The following NFIA variants were observed in gnomAD, a reference collection of about 807,000 sequenced individuals.
NFIA encodes the protein nuclear factor I A.
A neutral mutation model predicts 62.8 loss-of-function variants in NFIA; 8 were observed. The ratio of observed to expected loss-of-function variants is 0.13; its 90% CI spans 0.07 to 0.23. NFIA has a LOEUF of 0.23. Among genes scored for constraint, NFIA ranks in the 10% least tolerant of loss-of-function variants. NFIA has a pLI of 1.00. For missense variants in NFIA, 410 were observed against 642.1 expected (o/e 0.64, Z 3.91); for synonymous variants, 235 against 238.1 (o/e 0.99, Z 0.12).
chr1:61,217,314 C>T (rs1209917483), intron 2 of NFIA, among the ~76,000 whole-genome samples: 2 of 151,880 alleles, frequency 1.3e-5, no homozygotes, highest in African/African-American at 4.8e-5. Flanking sequence ...GTGATCCACC[C>T]ACCTTGGCCT....
intron 2 of NFIA, among the ~76,000 whole-genome samples, chr1:61,140,131 G>A (rs1387192500): frequency 6.6e-6 from 1 of 152,118 alleles, no homozygotes; most frequent in Non-Finnish European, 1.5e-5. Context: ...CAGGCAGTAG[G>A]GCTGCAAGGC....
chr1:61,306,294 T>TTTTTTTTA (rs748026405), intron 3 of NFIA, among the ~76,000 whole-genome samples: 44 of 109,730 alleles, frequency 4.0e-4, no homozygotes, highest in African/African-American at 1.0e-3. Context: ...TTTTTTTTTT[T>TTTTTTTTA]AAGACAGAGT....
At chr1:61,155,856 G>T (rs537243408) in intron 2 of NFIA, among the ~76,000 whole-genome samples, 18 of 152,134 alleles carry the variant, frequency 1.2e-4, no homozygotes, top group Non-Finnish European at 2.2e-4. Flanking sequence ...AAAAACCTTG[G>T]CTGGGCGCGG....
intron 2 of NFIA, among the ~76,000 whole-genome samples, chr1:61,201,934 G>A (rs911299906): frequency 1.3e-5 from 2 of 151,440 alleles, no homozygotes; most frequent in African/African-American, 4.9e-5. Context: ...AACAACTATC[G>A]TGTAAGAAAA....
intron 2 of NFIA, among the ~76,000 whole-genome samples, chr1:61,192,422 C>T (rs993113727): frequency 1.3e-5 from 2 of 152,132 alleles, no homozygotes; most frequent in African/African-American, 4.8e-5. Flanking sequence ...AAATACCTTG[C>T]CAGGCGCAGT....
At chr1:61,186,265 C>T (rs539405712) in intron 2 of NFIA, among the ~76,000 whole-genome samples, 1 of 152,236 alleles carries the variant, frequency 6.6e-6, no homozygotes, top group African/African-American at 2.4e-5. Context: ...TGAACTGCCG[C>T]AGGTGGTTCA....
intron 3 of NFIA, among the ~76,000 whole-genome samples, chr1:61,314,632 C>T (rs1278547036): frequency 6.6e-6 from 1 of 152,166 alleles, no homozygotes; most frequent in Admixed American, 6.5e-5. Flanking sequence ...CAATGGTACT[C>T]ACTTTATACT....
intron 2 of NFIA, among the ~76,000 whole-genome samples, chr1:61,228,151 A>C (rs1654448125): frequency 1.3e-5 from 2 of 152,172 alleles, no homozygotes; most frequent in African/African-American, 4.8e-5. Context: ...GGTTTTTTTA[A>C]ACCTATTATA....
intron 5 of NFIA, among the ~76,000 whole-genome samples, chr1:61,358,719 C>T (rs981888855): frequency 1.3e-5 from 2 of 152,046 alleles, no homozygotes; most frequent in Non-Finnish European, 2.9e-5. Flanking sequence ...GATCACGAGC[C>T]CTGCTTTTTA....
intron 2 of NFIA, among the ~76,000 whole-genome samples, chr1:61,094,277 C>T (rs188084715): frequency 3.3e-5 from 5 of 151,166 alleles, no homozygotes; most frequent in South Asian, 2.1e-4. Flanking sequence ...TGAATGAACT[C>T]GTATGCTTTG....
intron 10 of NFIA, among the ~76,000 whole-genome samples, chr1:61,442,180 A>G (rs1354188312): frequency 6.6e-6 from 1 of 152,184 alleles, no homozygotes; most frequent in Non-Finnish European, 1.5e-5. Context: ...CCAAGGGAGT[A>G]CAGGAGAGAA....
chr1:61,385,754 T>C (rs1569710734), intron 7 of NFIA: 1 of 152,168 alleles, frequency 6.6e-6, no homozygotes, highest in Admixed American at 6.5e-5. Flanking sequence ...CCTCCTTAGC[T>C]CACAGCATAA....
chr1:61,091,504 T>G (rs927778817), intron 2 of NFIA, among the ~76,000 whole-genome samples: 1 of 152,204 alleles, frequency 6.6e-6, no homozygotes, highest in Non-Finnish European at 1.5e-5. Flanking sequence ...ATTGGAGTGA[T>G]TTCATAAGCC....
chr1:61,189,353 G>C (rs1651446117), intron 2 of NFIA, among the ~76,000 whole-genome samples: 1 of 152,114 alleles, frequency 6.6e-6, no homozygotes, highest in African/African-American at 2.4e-5. Flanking sequence ...CAGGTTTGGA[G>C]AGAGTGCTCT....
In NFIA at chr1:61,458,854, A is replaced by C. The variant is rs1322006308; in HGVS notation, c.*3534A>C. On this transcript the variant is annotated 3_prime_UTR_variant, in exon 11 of 11. Transcript: ENST00000403491. Reference sequence around the variant, plus strand: ...TATTTTGTTGTATTAAGTTTGATGAAGCTAAAATTAGGGAACTCTGAACAG... The same window carrying C: ...TATTTTGTTGTATTAAGTTTGATGACGCTAAAATTAGGGAACTCTGAACAG... 6.6e-6 allele frequency: 1 copy of C among 152,146 alleles called. No individual in the cohort carries two copies. The highest frequency in any genetic ancestry group is 1.5e-5 in the Non-Finnish European group (1 of 68,030). 9.4% of individuals were successfully genotyped at this position (152,146 alleles called of 1,614,324 possible). A position where few individuals can be genotyped will look rare whatever the true frequency, so the allele number is the denominator to read the frequency against.
intron 2 of NFIA, among the ~76,000 whole-genome samples, chr1:61,155,045 C>G (rs1328830162): frequency 6.6e-6 from 1 of 152,124 alleles, no homozygotes; most frequent in Admixed American, 6.6e-5. Context: ...TTAAATCTCC[C>G]TAGGCCTTGG....
At chr1:61,198,567 G>A (rs1460004742) in intron 2 of NFIA, among the ~76,000 whole-genome samples, 2 of 152,294 alleles carry the variant, frequency 1.3e-5, no homozygotes, top group East Asian at 1.9e-4. Context: ...TAGGACCTGG[G>A]GGTTTTACTC....
intron 2 of NFIA, among the ~76,000 whole-genome samples, chr1:61,162,380 C>T (rs1228758083): frequency 6.6e-6 from 1 of 152,132 alleles, no homozygotes; most frequent in Admixed American, 6.5e-5. Flanking sequence ...GCACGTAGTT[C>T]GAAAACCTTT....
In NFIA at chr1:61,349,761, AT is replaced by A. The variant is rs565412935; in HGVS notation, c.701-2679del. ...AGCTAATTTAATTTTTAAAAAAAATATTTTTTTTTTCTGTGGAGACATAGTC... is the reference window on the plus strand; with the variant it reads ...AGCTAATTTAATTTTTAAAAAAAATATTTTTTTTTCTGTGGAGACATAGTC... On this transcript the variant is annotated intron_variant, in intron 4 of 10. Transcript: ENST00000403491. 3.4e-3 allele frequency among the ~76,000 whole-genome samples: 505 copies of A among 150,292 alleles called. 3 individuals are homozygous for A. The highest frequency in any genetic ancestry group is 9.7e-3 in the African/African-American group (398 of 40,920).
Sources: allele counts gnomAD v4.1 joint callset (sites outside exome capture counted in the v4.1 genomes callset), GRCh38; gene constraint gnomAD v4.1.1; transcripts MANE v1.5; gene names NCBI Gene and HGNC (gene_info 2026-07-23, HGNC 2026-07-21).